The following CDH1 variants were observed in gnomAD, a reference collection of about 807,000 sequenced individuals.
The protein encoded by CDH1 is cadherin-1.
A neutral mutation model predicts 84.5 loss-of-function variants in CDH1; 35 were observed. The ratio of observed to expected loss-of-function variants is 0.41; its 90% confidence interval spans 0.32 to 0.55. CDH1 has a LOEUF of 0.55. Ranked by LOEUF, CDH1 falls within the 20% of genes least tolerant of loss-of-function variation. The probability of loss-of-function intolerance (pLI) is 0.19; values close to 1 mark genes in which losing one functional copy is unlikely to be tolerated. For synonymous variants in CDH1, 417 were observed against 439.0 expected, an observed-to-expected ratio of 0.95 and a Z score of 0.63; for missense variants, 994 against 1,126.6, an observed-to-expected ratio of 0.88 and a Z score of 1.68.
chr16:68,824,259 A>G (rs1454902343), intron 13 of CDH1, among the ~76,000 whole-genome samples: 2 of 152,100 alleles, frequency 1.3e-5, no homozygotes, highest in Non-Finnish European at 2.9e-5. Flanking sequence ...AGCCTCCCAA[A>G]GTGCTGGGAT....
intron 15 of CDH1, among the ~76,000 whole-genome samples, chr16:68,831,601 G>A (rs9936355): frequency 0.083 from 12,516 of 151,610 alleles, 1,212 homozygotes; most frequent in African/African-American, 0.23. Flanking sequence ...GTGCAGTGGC[G>A]TAATCTTGGC....
At chr16:68,788,055 G>C (rs774114212) in intron 2 of CDH1, among the ~76,000 whole-genome samples, 2 of 152,008 alleles carry the variant, frequency 1.3e-5, no homozygotes, top group African/African-American at 2.4e-5. Context: ...TTAAACTCCT[G>C]ACCTCAAGTG....
At chr16:68,762,067 G>A (rs756329561) in intron 2 of CDH1, among the ~76,000 whole-genome samples, 1 of 152,212 alleles carries the variant, frequency 6.6e-6, no homozygotes, top group Non-Finnish European at 1.5e-5. Flanking sequence ...TCTGAGCTGA[G>A]CACAGAGGTC....
intron 13 of CDH1, among the ~76,000 whole-genome samples, chr16:68,825,240 G>GT (rs1382540498): frequency 1.3e-5 from 2 of 152,192 alleles, no homozygotes; most frequent in African/African-American, 2.4e-5. Context: ...CTCAAGGACA[G>GT]TTTTGTGGAA....
At chr16:68,792,710 A>AG (rs1960241825) in intron 2 of CDH1, among the ~76,000 whole-genome samples, 1 of 152,248 alleles carries the variant, frequency 6.6e-6, no homozygotes, top group African/African-American at 2.4e-5. Flanking sequence ...TCTTAAACAA[A>AG]GGGAAAAAGT....
intron 2 of CDH1, among the ~76,000 whole-genome samples, chr16:68,781,746 A>G (rs1959884708): frequency 6.6e-6 from 1 of 152,136 alleles, no homozygotes; most frequent in Non-Finnish European, 1.5e-5. Flanking sequence ...CTGGGATTAC[A>G]GGCCTGAGCA....
chr16:68,783,421 A>G (rs1959943162), intron 2 of CDH1, among the ~76,000 whole-genome samples: 1 of 146,480 alleles, frequency 6.8e-6, no homozygotes, highest in African/African-American at 2.6e-5. Flanking sequence ...AGAAAAAAAG[A>G]AAAAAAAGTT....
intron 2 of CDH1, among the ~76,000 whole-genome samples, chr16:68,783,218 G>A (rs962081548): frequency 6.6e-6 from 1 of 151,600 alleles, no homozygotes; most frequent in Admixed American, 6.6e-5. Context: ...GTAACATGGC[G>A]AAACCCCGTC....
At chr16:68,742,288 T>C (rs1359040028) in intron 2 of CDH1, among the ~76,000 whole-genome samples, 1 of 151,740 alleles carries the variant, frequency 6.6e-6, no homozygotes, top group Admixed American at 6.6e-5. Context: ...TCCCCTCCTT[T>C]TTTTTTTTTG....
chr16:68,738,691 T>C (rs1338628516), intron 2 of CDH1, among the ~76,000 whole-genome samples: 1 of 152,096 alleles, frequency 6.6e-6, no homozygotes, highest in Non-Finnish European at 1.5e-5. Context: ...CTCAGCACTG[T>C]AGAGACAGTC....
At chr16:68,774,997 G>A (rs144910556) in intron 2 of CDH1, among the ~76,000 whole-genome samples, 370 of 152,076 alleles carry the variant, frequency 2.4e-3, no homozygotes, top group Middle Eastern at 6.8e-3. Context: ...ATGGTGGTGC[G>A]CACCTGTGGT....
chr16:68,806,140 A>ATTTATTTT (rs1960652732), intron 3 of CDH1, among the ~76,000 whole-genome samples: 1 of 119,972 alleles, frequency 8.3e-6, no homozygotes, highest in African/African-American at 2.7e-5. Context: ...TTATTTATTT[A>ATTTATTTT]TTTATTTATT....
chr16:68,777,722 T>A (rs1312080008), intron 2 of CDH1, among the ~76,000 whole-genome samples: 1 of 151,958 alleles, frequency 6.6e-6, no homozygotes, highest in Non-Finnish European at 1.5e-5. Context: ...TTTGTATTTT[T>A]AAATTTTTTA....
rs753770270 is a variant in CDH1 at position 68,813,392 on chromosome 16, C to T, written c.1217C>T (p.Thr406Ile). The change falls in exon 9 of 16, where the codon ACC (threonine) becomes ATC (isoleucine). Residue 406 changes from threonine (T) to isoleucine (I), a missense_variant. Thr to Ile is a moderately conservative substitution (Grantham distance 89). Around this residue, in one of 3 missense-constraint regions of CDH1, gnomAD observed 769 missense variants for 881.8 expected, o/e 0.87. Coordinates refer to ENST00000261769, the MANE Select transcript of CDH1 (RefSeq NM_004360.5). ...GTGACTGATGCTGATGCCCCCAATA[C>T]CCCAGCGTGGGAGGCTGTATACACC... ...LKVTDADAPN[T>I]PAWEAVYTIL... The T allele has an allele frequency of 1.2e-6, 2 of 1,614,108 alleles. No homozygotes were observed. The highest frequency in any genetic ancestry group is 1.1e-5 in the South Asian group (1 of 91,078).
At chr16:68,739,878 G>T (rs1162435180) in intron 2 of CDH1, among the ~76,000 whole-genome samples, 3 of 152,090 alleles carry the variant, frequency 2.0e-5, no homozygotes, top group Admixed American at 1.3e-4. Context: ...ATCTCCCAAA[G>T]TGCTGGGATT....
intron 13 of CDH1, among the ~76,000 whole-genome samples, chr16:68,824,551 A>G (rs1351832064): frequency 4.6e-5 from 7 of 152,190 alleles, no homozygotes; most frequent in Admixed American, 4.6e-4. Flanking sequence ...TCTAGCTGCA[A>G]GGGAACCTGG....
At chr16:68,827,106 A>T (rs1276980858) in intron 13 of CDH1, among the ~76,000 whole-genome samples, 1 of 152,086 alleles carries the variant, frequency 6.6e-6, no homozygotes, top group East Asian at 1.9e-4. Context: ...CCCTGTCTCT[A>T]CTAAAAATAC....
intron 2 of CDH1, among the ~76,000 whole-genome samples, chr16:68,771,679 G>T (rs1485283624): frequency 6.6e-6 from 1 of 151,188 alleles, no homozygotes; most frequent in East Asian, 1.9e-4. Context: ...TTGAACCCAG[G>T]AGGTGGAGGT....
intron 2 of CDH1, among the ~76,000 whole-genome samples, chr16:68,767,902 T>C (rs776469044): frequency 1.4e-4 from 21 of 152,050 alleles, no homozygotes; most frequent in Non-Finnish European, 2.6e-4. Flanking sequence ...CCAGACCAGC[T>C]GGGGCAACAT....
Sources: gnomAD v4.1 joint callset for allele counts (sites outside exome capture counted in the v4.1 genomes callset) on GRCh38, gnomAD v4.1.1 for gene constraint, gnomAD v4.1.1 regional missense constraint, MANE v1.5 for transcripts, NCBI Gene and HGNC (gene_info 2026-07-23, HGNC 2026-07-21) for gene names.